Variants in LAMA1 observed in about 807,000 individuals in gnomAD.
LAMA1 encodes the protein laminin subunit alpha-1.
A neutral mutation model predicts 348.7 loss-of-function variants in LAMA1; 219 were observed. That is an observed-to-expected ratio of 0.63 (90% CI 0.56 to 0.70). The LOEUF is 0.70. Ranked by LOEUF, LAMA1 falls within the 30% of genes least tolerant of loss-of-function variation. The pLI, the probability that LAMA1 is intolerant of heterozygous loss-of-function variation, is 0.00. For missense variants in LAMA1, 3,744 were observed against 3,888.0 expected, an observed-to-expected ratio of 0.96 and a Z score of 0.99; for synonymous variants, 1,487 against 1,491.0, an observed-to-expected ratio of 1.00 and a Z score of 0.06.
At chr18:7,022,082 A>C (rs907664939) in intron 19 of LAMA1, among the ~76,000 whole-genome samples, 1 of 152,016 alleles carries the variant, frequency 6.6e-6, no homozygotes, top group Non-Finnish European at 1.5e-5. Context: ...TAAAACTCAC[A>C]TTAGTCGAGA....
At chr18:7,048,096 C>T (rs574244574) in intron 5 of LAMA1, among the ~76,000 whole-genome samples, 58 of 152,142 alleles carry the variant, frequency 3.8e-4, no homozygotes, top group African/African-American at 1.2e-3. Flanking sequence ...CCAAGTAGAA[C>T]GGATATGTTT....
intron 30 of LAMA1, 119 bp from the exon 31 acceptor site, chr18:7,000,116 T>C: frequency 1.3e-6 from 1 of 748,404 alleles, no homozygotes; most frequent in Non-Finnish European, 2.3e-6. Flanking sequence ...TGATTACACA[T>C]AGCTTTTTAG....
intron 48 of LAMA1, 100 bp downstream of exon 48, chr18:6,971,757 A>G: frequency 6.5e-7 from 1 of 1,536,818 alleles, no homozygotes; most frequent in Non-Finnish European, 9.0e-7. Context: ...CGATATCACA[A>G]ACTCTATTCC....
intron 3 of LAMA1, among the ~76,000 whole-genome samples, chr18:7,054,038 T>C (rs1021846419): frequency 6.6e-6 from 1 of 152,186 alleles, no homozygotes; most frequent in African/African-American, 2.4e-5. Flanking sequence ...CCCAAAGTGC[T>C]TGGATTACAG....
rs57763839 is a variant in LAMA1 at position 7,057,802 on chromosome 18, T to C, written c.346-6866A>G. On this transcript the variant is annotated intron_variant, in intron 3 of 62. Coordinates refer to ENST00000389658, the MANE Select transcript of LAMA1 (RefSeq NM_005559.4). ...CCCAAAATTCTTTCTTTCTTTCTTT[T>C]TTTTTTTTTTGAGATAGAGTCTCAC... Among the ~76,000 whole-genome samples the C allele has an allele frequency of 2.8e-3, 382 of 134,648 alleles. 2 individuals are homozygous for C. Among genetic ancestry groups the C allele is most frequent in the East Asian group, 0.016 (51 of 3,268 alleles). 88.3% of individuals were successfully genotyped at this position (134,648 alleles called of 152,430 possible). A position where few individuals can be genotyped will look rare whatever the true frequency, so the allele number is the denominator to read the frequency against.
rs1483120318 is a variant in LAMA1 at position 7,076,002 on chromosome 18, CTG to C, written c.345+3971_345+3972del. Among the ~76,000 whole-genome samples the C allele has an allele frequency of 2.0e-5, 3 of 151,684 alleles. No individual in the cohort carries two copies. In the East Asian group the frequency reaches 5.8e-4, roughly 29 times the overall value. ...CTCAGTGCCTGAACTGTGCCAATGT[CTG>C]GGTGTGCAGAAGTGAATAAGACATC... is the stretch of plus-strand genomic sequence containing the variant. On this transcript the variant is annotated intron_variant, in intron 3 of 62. Transcript: ENST00000389658.
intron 1 of LAMA1, among the ~76,000 whole-genome samples, chr18:7,102,244 T>G (rs2058294040): frequency 6.6e-6 from 1 of 152,154 alleles, no homozygotes; most frequent in Non-Finnish European, 1.5e-5. Context: ...GGGCCATTCT[T>G]TTGTTTAGTA....
rs112370362 is a variant in LAMA1, at chr18:6,946,962, A to G, written c.8844+201T>C. 5.5e-3 allele frequency among the ~76,000 whole-genome samples: 839 copies of G among 152,360 alleles called. 14 individuals are homozygous for G. The highest frequency in any genetic ancestry group is 0.019 in the African/African-American group (796 of 41,578). On this transcript the variant is annotated intron_variant, in intron 61 of 62. Transcript: ENST00000389658. Reference sequence around the variant, plus strand: ...TTTTGCTGAAAGCTTACTTTCAAACATATAAAAAGTTATTTTTGAAAAGCT... The same window carrying G: ...TTTTGCTGAAAGCTTACTTTCAAACGTATAAAAAGTTATTTTTGAAAAGCT...
In LAMA1 at chr18:6,971,862, G is replaced by A. The variant is rs771092125; in HGVS notation, c.6894C>T (p.Phe2298=). ...AAACCGTGACGACATCTTACCTTCC[G>A]AAGCACCCACGGCACTTGCCTTCCC... ...IEREGKCRGC[F]GSSQNEDPSF... Residue 2298 remains phenylalanine (F), a synonymous_variant, in exon 48 of 63, where the codon TTC becomes TTT. Coordinates refer to ENST00000389658, the MANE Select transcript of LAMA1 (RefSeq NM_005559.4). The A allele has an allele frequency of 9.9e-6, 16 of 1,613,964 alleles. 1 individual carries two copies. The East Asian group carries it at 1.1e-4, about 11-fold the overall frequency.
chr18:6,997,298 G>T (rs144389193), intron 33 of LAMA1, among the ~76,000 whole-genome samples: 3,566 of 152,246 alleles, frequency 0.023, 47 homozygotes, highest in Middle Eastern at 0.065. Context: ...TCTTGACCTC[G>T]TGATCCACCC....
At chr18:7,049,048 T>C in intron 5 of LAMA1, 30 bp downstream of exon 5, 1 of 1,594,438 alleles carries the variant, frequency 6.3e-7, no homozygotes, top group South Asian at 1.1e-5. Flanking sequence ...CTTTTTATTT[T>C]ATTTGGCAGG....
chr18:7,116,816 TTCTC>T (rs151157428), intron 1 of LAMA1, among the ~76,000 whole-genome samples: 5 of 151,858 alleles, frequency 3.3e-5, no homozygotes, highest in Middle Eastern at 6.8e-3. Context: ...TCTTTTCTCT[TTCTC>T]TCTCTCTTTC....
chr18:7,039,263 G>C (rs139845767), intron 10 of LAMA1, among the ~76,000 whole-genome samples: 1 of 152,204 alleles, frequency 6.6e-6, no homozygotes, highest in East Asian at 1.9e-4. Flanking sequence ...GAGAGCTATA[G>C]AATTTTCTCT....
At chr18:7,058,080 G>A (rs1476097570) in intron 3 of LAMA1, among the ~76,000 whole-genome samples, 1 of 151,986 alleles carries the variant, frequency 6.6e-6, no homozygotes, top group Admixed American at 6.6e-5. Flanking sequence ...AGGATTACAG[G>A]CATGAGCCTC....
chr18:6,954,080 G>A (rs1410671904), intron 57 of LAMA1: 3 of 152,284 alleles, frequency 2.0e-5, no homozygotes, highest in Admixed American at 2.0e-4. Context: ...ACAGGGCTCT[G>A]AGCTAAGAGC....
chr18:6,955,609 T>C (rs889262299), intron 56 of LAMA1, 144 bp from the exon 57 acceptor site: 1 of 707,202 alleles, frequency 1.4e-6, no homozygotes. Context: ...GCTCACTCCA[T>C]CTTCGGTTTA....
intron 1 of LAMA1, among the ~76,000 whole-genome samples, chr18:7,080,954 A>T (rs2058191164): frequency 6.6e-6 from 1 of 152,188 alleles, no homozygotes; most frequent in Admixed American, 6.5e-5. Context: ...ATGCACCACA[A>T]AGTAAGCTGG....
At chr18:7,044,696 G>T in intron 7 of LAMA1, 26 bp downstream of exon 7, 1 of 1,555,834 alleles carries the variant, frequency 6.4e-7, no homozygotes, top group South Asian at 1.1e-5. Flanking sequence ...AAACTGTACT[G>T]ACCTTCAGAT....
chr18:6,963,245 G>A (rs975239383), intron 51 of LAMA1, among the ~76,000 whole-genome samples: 2 of 152,028 alleles, frequency 1.3e-5, no homozygotes, highest in African/African-American at 2.4e-5. Context: ...CCTTTCCTGC[G>A]TTGTCTACAC....
Sources: allele counts gnomAD v4.1 joint callset (sites outside exome capture counted in the v4.1 genomes callset), GRCh38; gene constraint gnomAD v4.1.1; transcripts MANE v1.5; gene names NCBI Gene and HGNC (gene_info 2026-07-23, HGNC 2026-07-21).